Variants in TMEM181 observed in about 807,000 individuals in gnomAD.
The protein encoded by TMEM181 is transmembrane protein 181.
Under a neutral mutation model 71.9 loss-of-function variants are expected in TMEM181, and 39 were observed. The observed-to-expected ratio is 0.54, with a 90% confidence interval of 0.42 to 0.71. TMEM181 has a LOEUF of 0.71. TMEM181 is among the 30% of genes least tolerant of loss of function. The pLI, the probability that TMEM181 is intolerant of heterozygous loss-of-function variation, is 0.00. For missense variants in TMEM181, 595 were observed against 583.0 expected (o/e 1.02, Z -0.21); for synonymous variants, 245 against 228.8 (o/e 1.07, Z -0.64).
At position 158,608,640 on chromosome 6, in the gene TMEM181, CTTAT is replaced by C; in HGVS notation, c.805-16_805-13del. The C allele has an allele frequency of 6.2e-7, 1 of 1,600,338 alleles. No individual in the cohort carries two copies. On this transcript the variant is annotated splice_polypyrimidine_tract_variant and intron_variant, in intron 9 of 16. Coordinates refer to ENST00000684151, the MANE Select transcript of TMEM181 (RefSeq NM_001376852.1). ...ATTTGGTTTTCTTTATTTCTTACTT[CTTAT>C]TTTTTTCTTTTTAGGGAGAAAGAAA...
chr6:158,560,531 G>T (rs1726368730), intron 1 of TMEM181, among the ~76,000 whole-genome samples: 1 of 152,118 alleles, frequency 6.6e-6, no homozygotes, highest in African/African-American at 2.4e-5. Flanking sequence ...CCGGGGGGCC[G>T]AGAGAACCGG....
intron 2 of TMEM181, among the ~76,000 whole-genome samples, chr6:158,575,638 C>G (rs1783113656): frequency 6.6e-6 from 1 of 152,104 alleles, no homozygotes; most frequent in African/African-American, 2.4e-5. Context: ...TTTTCTGATT[C>G]CCAGTTCTTA....
chr6:158,578,458 A>G (rs1182110816), intron 2 of TMEM181, among the ~76,000 whole-genome samples: 1 of 152,234 alleles, frequency 6.6e-6, no homozygotes. Flanking sequence ...TTGTAACTCC[A>G]CATTTTGTTT....
chr6:158,547,118 C>G (rs1781551877), intron 1 of TMEM181, among the ~76,000 whole-genome samples: 1 of 152,140 alleles, frequency 6.6e-6, no homozygotes, highest in Admixed American at 6.5e-5. Context: ...TTCATCTCTA[C>G]AAAAAACACA....
intron 10 of TMEM181, among the ~76,000 whole-genome samples, chr6:158,615,447 T>A (rs1004471931): frequency 1.3e-5 from 2 of 152,272 alleles, no homozygotes; most frequent in Non-Finnish European, 2.9e-5. Context: ...CTGTTCACTC[T>A]GATGGCAATT....
intron 1 of TMEM181, among the ~76,000 whole-genome samples, chr6:158,548,750 C>A (rs910086966): frequency 6.6e-6 from 1 of 152,170 alleles, no homozygotes; most frequent in Non-Finnish European, 1.5e-5. Context: ...GGTGCCAGGT[C>A]CTGGAAAGAG....
intron 6 of TMEM181, 115 bp from the exon 7 acceptor site, chr6:158,605,152 G>GTATA: frequency 1.8e-6 from 1 of 554,390 alleles, no homozygotes. Flanking sequence ...GTGTGTGTGT[G>GTATA]TGTGTGTATG....
At chr6:158,568,699 T>C (rs1782648382) in intron 1 of TMEM181, among the ~76,000 whole-genome samples, 1 of 152,106 alleles carries the variant, frequency 6.6e-6, no homozygotes, top group Non-Finnish European at 1.5e-5. Context: ...CTGTGAGCAT[T>C]TTCAGCAGGA....
chr6:158,552,625 A>G (rs1482804353), intron 1 of TMEM181, among the ~76,000 whole-genome samples: 1 of 152,168 alleles, frequency 6.6e-6, no homozygotes, highest in African/African-American at 2.4e-5. Flanking sequence ...GTTAGAACTG[A>G]AGGGAAAAGT....
At chr6:158,609,682 T>G (rs1323428262) in intron 10 of TMEM181, 1 of 235,140 alleles carries the variant, frequency 4.3e-6, no homozygotes, top group African/African-American at 2.3e-5. Flanking sequence ...TCTGGGAGAC[T>G]CCCAATGACT....
At chr6:158,551,203 G>A (rs932039042) in intron 1 of TMEM181, among the ~76,000 whole-genome samples, 36 of 151,998 alleles carry the variant, frequency 2.4e-4, no homozygotes, top group Non-Finnish European at 4.0e-4. Context: ...CTCGTGATCC[G>A]CCTGCCTCGG....
intron 7 of TMEM181, 84 bp downstream of exon 7, chr6:158,605,431 C>A (rs1784901582): frequency 7.9e-7 from 1 of 1,259,542 alleles, no homozygotes; most frequent in Non-Finnish European, 1.2e-6. Context: ...CGGTGCAAGC[C>A]ACATGGAGAT....
chr6:158,545,246 A>G (rs1215649101), intron 1 of TMEM181, among the ~76,000 whole-genome samples: 1 of 152,258 alleles, frequency 6.6e-6, no homozygotes, highest in Non-Finnish European at 1.5e-5. Context: ...TTAGGAAATC[A>G]GGACAAAGCC....
intron 1 of TMEM181, among the ~76,000 whole-genome samples, chr6:158,538,900 A>G (rs73799510): frequency 0.032 from 4,821 of 152,308 alleles, 254 homozygotes; most frequent in African/African-American, 0.11. Context: ...TGAAATGTTC[A>G]AGGCACAGAT....
chr6:158,584,542 C>G lies in TMEM181; in HGVS notation c.259+498C>G, dbSNP rs572020985. Reference sequence around the variant, plus strand: ...GATGCAGAGGCTGAGAAACCCTCCCCTAATGCATCCATTGTTTATGATGAA... The same window carrying G: ...GATGCAGAGGCTGAGAAACCCTCCCGTAATGCATCCATTGTTTATGATGAA... On this transcript the variant is annotated intron_variant, in intron 4 of 16. Coordinates refer to ENST00000684151, the MANE Select transcript of TMEM181 (RefSeq NM_001376852.1). Among the ~76,000 whole-genome samples the G allele has an allele frequency of 2.0e-5, 3 of 152,310 alleles. No homozygotes were observed. In the South Asian group the frequency reaches 6.2e-4, roughly 32 times the overall value.
At chr6:158,591,013 G>T (rs577689029) in intron 6 of TMEM181, among the ~76,000 whole-genome samples, 159 of 152,328 alleles carry the variant, frequency 1.0e-3, no homozygotes, top group African/African-American at 3.7e-3. Context: ...GGTCCATCCA[G>T]GTTGTCGCGG....
chr6:158,539,605 G>A (rs768790162), intron 1 of TMEM181, among the ~76,000 whole-genome samples: 2 of 152,190 alleles, frequency 1.3e-5, no homozygotes, highest in Non-Finnish European at 2.9e-5. Flanking sequence ...CTAAAGCTCC[G>A]TTTACAAAAC....
Position 158,542,868 on chromosome 6 carries a change from G to T in TMEM181, c.131+6003G>T, listed in dbSNP as rs979327561. ...TCTGCCTGCCTCGGCCTCCAGAGTG[G>T]TTTTTTTTTTTTTTTTTTTTTTTTT... On this transcript the variant is annotated intron_variant, in intron 1 of 16. Coordinates refer to the TMEM181 transcript ENST00000367090. 4.1e-3 allele frequency among the ~76,000 whole-genome samples: 299 copies of T among 73,536 alleles called. 15 individuals carry two copies. The East Asian group carries it at 0.095, about 23-fold the overall frequency. 48.2% of individuals were successfully genotyped at this position (73,536 alleles called of 152,430 possible). A position where few individuals can be genotyped will look rare whatever the true frequency, so the allele number is the denominator to read the frequency against.
chr6:158,629,445 G>A (rs1013567652), intron 14 of TMEM181, among the ~76,000 whole-genome samples: 6 of 152,086 alleles, frequency 3.9e-5, no homozygotes, highest in South Asian at 2.1e-4. Flanking sequence ...CCCTGCCCTC[G>A]GTGCTGGTGA....
Sources: gnomAD v4.1 joint callset for allele counts (sites outside exome capture counted in the v4.1 genomes callset) on GRCh38, gnomAD v4.1.1 for gene constraint, MANE v1.5 for transcripts, NCBI Gene and HGNC (gene_info 2026-07-23, HGNC 2026-07-21) for gene names.